DAB1: variants seen among roughly 807,000 people sequenced by gnomAD.
DAB1 encodes the protein DAB adaptor protein 1, also known as disabled homolog 1.
In DAB1, 15 loss-of-function variants were observed where a neutral mutation model predicts 64.6. The ratio of observed to expected loss-of-function variants is 0.23; its 90% confidence interval spans 0.16 to 0.36. The LOEUF (loss-of-function observed/expected upper bound fraction) is 0.36, where lower values mean the gene tolerates loss of function less well. Among genes scored for constraint, DAB1 ranks in the 10% least tolerant of loss-of-function variants. The pLI is 1.00. For missense variants in DAB1, 596 were observed against 706.7 expected, an observed-to-expected ratio of 0.84 and a Z score of 1.78; for synonymous variants, 235 against 251.9, an observed-to-expected ratio of 0.93 and a Z score of 0.64.
chr1:58,315,212 T>C (rs7520541), intron 4 of DAB1, among the ~76,000 whole-genome samples: 25,231 of 152,182 alleles, frequency 0.17, 2,542 homozygotes, highest in East Asian at 0.4. Context: ...AAGGGTGCTT[T>C]TGAATTCACA....
chr1:57,951,512 T>C (rs1570056449), intron 5 of DAB1, among the ~76,000 whole-genome samples: 1 of 151,828 alleles, frequency 6.6e-6, no homozygotes, highest in East Asian at 1.9e-4. Context: ...TGTGTTGAAA[T>C]AAGCGATAAA....
At chr1:57,057,920 A>G (rs116514971) in intron 9 of DAB1, among the ~76,000 whole-genome samples, 1,628 of 152,218 alleles carry the variant, frequency 0.011, 33 homozygotes, top group African/African-American at 0.037. Flanking sequence ...CTGATTCTTA[A>G]TTCTATCAGA....
intron 3 of DAB1, among the ~76,000 whole-genome samples, chr1:58,390,405 G>A (rs1644466590): frequency 6.6e-6 from 1 of 152,190 alleles, no homozygotes; most frequent in Admixed American, 6.5e-5. Flanking sequence ...AGGGGAAGGT[G>A]AAGCAAAGAA....
In DAB1 at chr1:58,048,346, G is replaced by C. The variant is rs1043262073; in HGVS notation, n.387+102165C>G. On this transcript the variant is annotated intron_variant and non_coding_transcript_variant, in intron 5 of 20. Transcript: ENST00000485760. ...AATTTGAAAACTGATTGTTTTAATT[G>C]CCCAAATCACTGTAGCTTCCACCAC... 12 of 1,022,914 alleles carry C rather than the reference G, an allele frequency of 1.2e-5. No individual in the cohort carries two copies. In the African/African-American group the frequency reaches 1.7e-4, roughly 15 times the overall value. 63.4% of individuals were successfully genotyped at this position (1,022,914 alleles called of 1,614,324 possible). A position where few individuals can be genotyped will look rare whatever the true frequency, so the allele number is the denominator to read the frequency against.
intron 7 of DAB1, among the ~76,000 whole-genome samples, chr1:57,447,499 C>T (rs1459173867): frequency 6.6e-6 from 1 of 152,204 alleles, no homozygotes; most frequent in South Asian, 2.1e-4. Context: ...CACTCTCTTA[C>T]TCCCTCAATA....
chr1:58,272,630 A>C (rs1440450147), intron 4 of DAB1, among the ~76,000 whole-genome samples: 1 of 133,488 alleles, frequency 7.5e-6, no homozygotes, highest in East Asian at 2.4e-4. Context: ...TGGGGTGTTA[A>C]AGTCTCCCAT....
chr1:58,462,166 C>T (rs1172338433), intron 3 of DAB1, among the ~76,000 whole-genome samples: 1 of 140,842 alleles, frequency 7.1e-6, no homozygotes, highest in African/African-American at 2.7e-5. Context: ...GTCGCCCAGG[C>T]CGGACTGCGG....
intron 7 of DAB1, among the ~76,000 whole-genome samples, chr1:57,618,230 C>A (rs530347246): frequency 6.6e-6 from 1 of 152,090 alleles, no homozygotes; most frequent in Non-Finnish European, 1.5e-5. Flanking sequence ...GCCTAGCCAA[C>A]ATGGTGAAAC....
At chr1:58,301,960 A>G (rs113762645) in intron 4 of DAB1, among the ~76,000 whole-genome samples, 25 of 152,288 alleles carry the variant, frequency 1.6e-4, no homozygotes, top group African/African-American at 5.1e-4. Flanking sequence ...TTTGCCTTCT[A>G]TGATCTCACT....
intron 4 of DAB1, among the ~76,000 whole-genome samples, chr1:58,240,460 C>T (rs1297850663): frequency 6.6e-6 from 1 of 152,202 alleles, no homozygotes; most frequent in Non-Finnish European, 1.5e-5. Flanking sequence ...AATTTCACAG[C>T]TTAGAGCTTA....
intron 7 of DAB1, among the ~76,000 whole-genome samples, chr1:57,563,814 A>G (rs1645082670): frequency 6.6e-6 from 1 of 152,300 alleles, no homozygotes; most frequent in Admixed American, 6.5e-5. Flanking sequence ...GGTGGAGCCC[A>G]CCGCAGCTCA....
chr1:58,042,217 T>C (rs1227618694), intron 5 of DAB1, among the ~76,000 whole-genome samples: 1 of 152,236 alleles, frequency 6.6e-6, no homozygotes, highest in Non-Finnish European at 1.5e-5. Flanking sequence ...TTCTTATCTG[T>C]GGAAGCAAGT....
In DAB1 at chr1:57,014,976, C is replaced by T. The variant is rs372127804; in HGVS notation, c.1351G>A (p.Gly451Arg). 2.5e-5 allele frequency: 40 copies of T among 1,613,946 alleles called. No homozygotes were observed. The highest frequency in any genetic ancestry group is 3.1e-5 in the Non-Finnish European group (36 of 1,180,012). ...CAGTCGTCTGTATCCTGTGCCACCC[C>T]GACTTTGTTGAAGTAACTGGAGAAG... ...EAFSSYFNKV[G>R]VAQDTDDCDD... Residue 451 changes from glycine (G) to arginine (R), a missense_variant, in exon 12 of 15, where the codon GGG becomes AGG. Coordinates refer to ENST00000371236, the MANE Select transcript of DAB1 (RefSeq NM_001365792.1).
intron 4 of DAB1, among the ~76,000 whole-genome samples, chr1:57,080,221 A>G (rs1170608472): frequency 6.6e-6 from 1 of 152,062 alleles, no homozygotes; most frequent in Non-Finnish European, 1.5e-5. Context: ...ACAACTTCCC[A>G]TTCCCTACTC....
chr1:57,980,389 T>C (rs1646036453), intron 5 of DAB1, among the ~76,000 whole-genome samples: 1 of 152,162 alleles, frequency 6.6e-6, no homozygotes, highest in African/African-American at 2.4e-5. Context: ...AGCACTTCCT[T>C]ATCTCCACTC....
intron 7 of DAB1, among the ~76,000 whole-genome samples, chr1:57,543,228 A>C (rs1217593080): frequency 6.6e-6 from 1 of 152,210 alleles, no homozygotes; most frequent in African/African-American, 2.4e-5. Context: ...ACACTGTTGA[A>C]GGGCAGATTC....
intron 2 of DAB1, among the ~76,000 whole-genome samples, chr1:57,176,972 TAAAAA>T (rs11333170): frequency 2.7e-5 from 2 of 74,014 alleles, no homozygotes; most frequent in Non-Finnish European, 6.0e-5. Flanking sequence ...GCAGCAGATA[TAAAAA>T]AAAAAAAAAA....
intron 6 of DAB1, among the ~76,000 whole-genome samples, chr1:57,772,021 C>T (rs1477186194): frequency 6.6e-6 from 1 of 152,032 alleles, no homozygotes; most frequent in Non-Finnish European, 1.5e-5. Flanking sequence ...TTGAATGTGT[C>T]CCCCAAAAAG....
At chr1:57,901,983 C>T (rs987868672) in intron 5 of DAB1, among the ~76,000 whole-genome samples, 2 of 151,710 alleles carry the variant, frequency 1.3e-5, no homozygotes, top group African/African-American at 4.8e-5. Context: ...TGGCAAAACC[C>T]CATCTCTACA....
Sources: allele counts gnomAD v4.1 joint callset (sites outside exome capture counted in the v4.1 genomes callset), GRCh38; gene constraint gnomAD v4.1.1; transcripts MANE v1.5; gene names NCBI Gene and HGNC (gene_info 2026-07-23, HGNC 2026-07-21).